Variants in DDO observed in about 807,000 individuals in gnomAD.
The protein encoded by DDO is D-aspartate oxidase.
A neutral mutation model predicts 16.8 loss-of-function variants in DDO; 16 were observed. The ratio of observed to expected loss-of-function variants is 0.95; its 90% CI spans 0.65 to 1.45. The LOEUF (loss-of-function observed/expected upper bound fraction) is 1.45. Ranked by LOEUF, DDO falls within the 40% of genes most tolerant of loss-of-function variation. The pLI, the probability that DDO is intolerant of heterozygous loss-of-function variation, is 0.00. For synonymous variants in DDO, 180 were observed against 167.2 expected (o/e 1.08, Z -0.59); for missense variants, 429 against 420.3 (o/e 1.02, Z -0.18).
chr6:110,399,369 G>T (rs1773396775), intron 4 of DDO, among the ~76,000 whole-genome samples: 1 of 152,238 alleles, frequency 6.6e-6, no homozygotes, highest in South Asian at 2.1e-4. Flanking sequence ...AACACTGAAG[G>T]CTGAACACTC....
rs181110565 is a variant in DDO at position 110,403,361 on chromosome 6, A to G, written c.458+1413T>C. ...TGCTTCTAATTTTGTATTTCTAGTC[A>G]TTTTTAGAAGGGGGAAAATTCAACA... is the stretch of plus-strand genomic sequence containing the variant. On this transcript the variant is annotated intron_variant, in intron 4 of 4. Transcript: ENST00000368924. 3.0e-3 allele frequency among the ~76,000 whole-genome samples: 449 copies of G among 152,064 alleles called. 2 individuals carry two copies. The highest frequency in any genetic ancestry group is 6.8e-3 in the Middle Eastern group (2 of 294).
intron 2 of DDO, 138 bp downstream of exon 2, chr6:110,413,152 GA>G: frequency 9.9e-7 from 1 of 1,010,996 alleles, no homozygotes. Flanking sequence ...CAAAAAAAGA[GA>G]AAAAGAGGAA....
intron 4 of DDO, among the ~76,000 whole-genome samples, chr6:110,401,821 T>C (rs1286630243): frequency 6.6e-6 from 1 of 152,226 alleles, no homozygotes; most frequent in East Asian, 1.9e-4. Context: ...ATTTACATAG[T>C]TTCAGGTATA....
Position 110,393,239 on chromosome 6 carries a change from T to A in DDO, c.562A>T (p.Arg188Ter). 1.2e-6 allele frequency: 2 copies of A among 1,614,224 alleles called. No homozygotes were observed. Among genetic ancestry groups the A allele is most frequent in the Non-Finnish European group, 1.7e-6 (2 of 1,180,034 alleles). ...IVVNCSGLGS[R>*]QLAGDSKIFP... is the part of the protein sequence containing the mutation. ...ATCTTTGAGTCTCCTGCAAGCTGTC[T>A]GCTTCCAAGGCCTGAACAGTTGACC... The change falls in exon 5 of 5, where the codon AGA becomes TGA. Residue 188 changes from arginine (R) to a stop codon, truncating the protein, a stop_gained. Coordinates refer to ENST00000368924, the MANE Select transcript of DDO (RefSeq NM_001372108.2). LOFTEE classifies it low-confidence loss of function (END_TRUNC).
At chr6:110,391,030 C>T (rs1773089508), downstream of DDO, among the ~76,000 whole-genome samples, 1 of 152,154 alleles carries the variant, frequency 6.6e-6, no homozygotes, top group African/African-American at 2.4e-5. Context: ...AACACCACCC[C>T]CTGGTGGAAA....
chr6:110,390,726 A>C (rs1773084672), downstream of DDO, among the ~76,000 whole-genome samples: 2 of 152,236 alleles, frequency 1.3e-5, no homozygotes, highest in Non-Finnish European at 2.9e-5. Context: ...TATTCTGAAC[A>C]GTGGCCTTCA....
At chr6:110,399,631 G>T (rs1470712097) in intron 4 of DDO, among the ~76,000 whole-genome samples, 2 of 152,280 alleles carry the variant, frequency 1.3e-5, no homozygotes, top group East Asian at 3.9e-4. Context: ...GGAGGAAAGG[G>T]GACACGTGGC....
In DDO at chr6:110,392,966, G is replaced by T. The variant is rs777584721; in HGVS notation, c.835C>A (p.Pro279Thr). The T allele has an allele frequency of 1.2e-6, 2 of 1,613,682 alleles. No individual in the cohort carries two copies. The highest frequency in any genetic ancestry group is 1.7e-6 in the Non-Finnish European group (2 of 1,179,604). Reference protein sequence around the residue: ...CNIREKVGLRPYRPGVRLQTE... With the variant: ...CNIREKVGLRTYRPGVRLQTE... The stretch of plus-strand genomic sequence containing the variant: ...TGCAGTCGCACGCCTGGCCTGTAGG[G>T]CCTCAAGCCCACCTTCTCCCTGATG... The change falls in exon 5 of 5, where the codon CCC (proline) becomes ACC (threonine). Residue 279 changes from proline (P) to threonine (T), a missense_variant. Coordinates refer to ENST00000368924, the MANE Select transcript of DDO (RefSeq NM_001372108.2).
Position 110,408,380 on chromosome 6 carries a change from C to T in DDO, c.235G>A (p.Ala79Thr). Reference protein sequence around the residue: ...RETFNHLFAIANSAEAGDAGV... With the variant: ...RETFNHLFAITNSAEAGDAGV... ...GCATCTCCAGCTTCTGCAGAATTGGCAATTGCAAAGAGGTGATTAAAGGTT... is the reference window on the plus strand; with the variant it reads ...GCATCTCCAGCTTCTGCAGAATTGGTAATTGCAAAGAGGTGATTAAAGGTT... The change falls in exon 3 of 5, where the codon GCC (alanine) becomes ACC (threonine). Residue 79 changes from alanine to threonine, a missense_variant. Coordinates refer to ENST00000368924, the MANE Select transcript of DDO (RefSeq NM_001372108.2). The T allele has an allele frequency of 6.2e-7, 1 of 1,614,126 alleles. No individual in the cohort carries two copies. The highest frequency in any genetic ancestry group is 8.5e-7 in the Non-Finnish European group (1 of 1,180,006).
At chr6:110,408,221 A>G (rs573681043) in intron 3 of DDO, 113 bp downstream of exon 3, 4 of 940,152 alleles carry the variant, frequency 4.3e-6, no homozygotes, top group South Asian at 3.3e-5. Flanking sequence ...ATCCTCCTGC[A>G]TCTAAGTCAG....
chr6:110,405,353 A>T (rs1405228166), intron 3 of DDO, among the ~76,000 whole-genome samples: 2 of 152,352 alleles, frequency 1.3e-5, no homozygotes, highest in East Asian at 3.9e-4. Context: ...CATTTTAAAA[A>T]TTTAGTTTCT....
intron 4 of DDO, among the ~76,000 whole-genome samples, chr6:110,399,711 C>G (rs1401841727): frequency 1.3e-5 from 2 of 152,210 alleles, no homozygotes; most frequent in Non-Finnish European, 2.9e-5. Flanking sequence ...TGGCCAGGGG[C>G]CACCGGGCGC....
In DDO at chr6:110,407,725, G is replaced by A. The variant is rs143271484; in HGVS notation, c.281+609C>T. On this transcript the variant is annotated intron_variant, in intron 3 of 4. Coordinates refer to ENST00000368924, the MANE Select transcript of DDO (RefSeq NM_001372108.2). ...AAAAGATGTCATGTTTTAAGTGCTCGTCTTACTAATAGAAATGTCAAATAG... is the reference window on the plus strand; with the variant it reads ...AAAAGATGTCATGTTTTAAGTGCTCATCTTACTAATAGAAATGTCAAATAG... Among the ~76,000 whole-genome samples the A allele has an allele frequency of 8.5e-3, 1,294 of 152,292 alleles. 9 individuals are homozygous for A. The highest frequency in any genetic ancestry group is 0.013 in the Non-Finnish European group (867 of 68,024).
At chr6:110,401,379 A>G (rs766577043) in intron 4 of DDO, among the ~76,000 whole-genome samples, 2 of 152,154 alleles carry the variant, frequency 1.3e-5, no homozygotes, top group Non-Finnish European at 2.9e-5. Flanking sequence ...AAGGTGGTGG[A>G]AAATATTCAT....
chr6:110,396,369 T>G (rs1239876342), intron 4 of DDO, among the ~76,000 whole-genome samples: 1 of 152,230 alleles, frequency 6.6e-6, no homozygotes, highest in Admixed American at 6.5e-5. Flanking sequence ...GGGCTTGTAC[T>G]GTGCCCAGCA....
intron 4 of DDO, among the ~76,000 whole-genome samples, chr6:110,398,227 C>T (rs916274980): frequency 2.0e-5 from 3 of 152,136 alleles, no homozygotes; most frequent in South Asian, 4.1e-4. Context: ...CTTAAGTTAG[C>T]CCTCTGCTGG....
At chr6:110,391,320 A>T (rs988736580), downstream of DDO, among the ~76,000 whole-genome samples, 4 of 150,808 alleles carry the variant, frequency 2.7e-5, no homozygotes, top group Non-Finnish European at 5.9e-5. Flanking sequence ...TCTTCCCCAA[A>T]TATTAAAATT....
Position 110,403,143 on chromosome 6 carries a change from TG to T in DDO, c.458+1630del, listed in dbSNP as rs777743619. ...CTCTTTTTGAGTCATAATCTAAAAA[TG>T]TTATGCATTGTATTGAAAGGAAACT... On this transcript the variant is annotated intron_variant, in intron 4 of 4. Transcript: ENST00000368924. 1.5e-4 allele frequency among the ~76,000 whole-genome samples: 23 copies of T among 152,366 alleles called. No homozygotes were observed. The East Asian group carries it at 3.7e-3, about 24-fold the overall frequency.
intron 3 of DDO, among the ~76,000 whole-genome samples, chr6:110,407,490 A>T (rs1046580005): frequency 2.6e-5 from 4 of 152,220 alleles, no homozygotes; most frequent in African/African-American, 9.7e-5. Flanking sequence ...TAGACTAGCA[A>T]AAAACCCCAG....
Sources: allele counts gnomAD v4.1 joint callset (sites outside exome capture counted in the v4.1 genomes callset), GRCh38; gene constraint gnomAD v4.1.1; transcripts MANE v1.5; gene names NCBI Gene and HGNC (gene_info 2026-07-23, HGNC 2026-07-21).